Variants in STAG1 observed in about 807,000 individuals in gnomAD.
STAG1 encodes STAG1 cohesin complex component.
Under a neutral mutation model 170.9 loss-of-function variants are expected in STAG1, and 26 were observed. The ratio of observed to expected loss-of-function variants is 0.15; its 90% CI spans 0.11 to 0.21. The LOEUF is 0.21. STAG1 is among the 10% of genes least tolerant of loss of function. STAG1 has a pLI of 1.00. For missense variants in STAG1, 964 were observed against 1,509.5 expected (o/e 0.64, Z 5.99); for synonymous variants, 514 against 497.7 (o/e 1.03, Z -0.44).
chr3:136,735,893 G>A (rs1346161621), intron 1 of STAG1, among the ~76,000 whole-genome samples: 1 of 152,204 alleles, frequency 6.6e-6, no homozygotes, highest in Non-Finnish European at 1.5e-5. Context: ...CTAGCTCTTT[G>A]GAAAGTGAAA....
chr3:136,700,321 G>A (rs771643317), intron 1 of STAG1, among the ~76,000 whole-genome samples: 7 of 150,538 alleles, frequency 4.6e-5, no homozygotes, highest in Admixed American at 6.7e-5. Flanking sequence ...ACTAGGTTTC[G>A]AATCTCGGTC....
chr3:136,743,376 AAAAAT>A, intron 1 of STAG1, among the ~76,000 whole-genome samples: 1 of 151,954 alleles, frequency 6.6e-6, no homozygotes. Flanking sequence ...CTCAAAAAAA[AAAAAT>A]AATAATAACA....
At chr3:136,399,160 T>C (rs565076732) in intron 21 of STAG1, among the ~76,000 whole-genome samples, 10 of 152,338 alleles carry the variant, frequency 6.6e-5, no homozygotes, top group African/African-American at 2.4e-4. Flanking sequence ...AATTTTATAG[T>C]TGAAATAACT....
intron 28 of STAG1, 64 bp from the exon 29 acceptor site, chr3:136,349,427 C>A: frequency 7.9e-7 from 1 of 1,261,546 alleles, no homozygotes; most frequent in Non-Finnish European, 1.2e-6. Context: ...CTTACTTTTT[C>A]TTAATCTGAG....
chr3:136,682,160 C>T (rs965102397), intron 1 of STAG1, among the ~76,000 whole-genome samples: 37 of 151,752 alleles, frequency 2.4e-4, no homozygotes, highest in Admixed American at 1.9e-3. Context: ...ATATATATAC[C>T]GAAAACTCAT....
At chr3:136,694,431 C>G (rs769935949) in intron 1 of STAG1, among the ~76,000 whole-genome samples, 5 of 151,828 alleles carry the variant, frequency 3.3e-5, no homozygotes, top group Non-Finnish European at 5.9e-5. Context: ...GCCTGGGCAA[C>G]ATAGTGAGAC....
intron 21 of STAG1, among the ~76,000 whole-genome samples, chr3:136,415,917 G>A (rs978240028): frequency 2.6e-5 from 4 of 152,068 alleles, no homozygotes; most frequent in African/African-American, 9.7e-5. Flanking sequence ...AAATGAACAA[G>A]AGTACAATCT....
intron 23 of STAG1, among the ~76,000 whole-genome samples, chr3:136,376,048 A>ATT (rs1937599822): frequency 6.7e-6 from 1 of 149,766 alleles, no homozygotes; most frequent in African/African-American, 2.4e-5. Context: ...AAATAAAATA[A>ATT]AACAAAATAA....
At chr3:136,747,985 C>T in intron 1 of STAG1, among the ~76,000 whole-genome samples, 1 of 151,748 alleles carries the variant, frequency 6.6e-6, no homozygotes, top group East Asian at 2.0e-4. Context: ...ACCGTGTTGC[C>T]AGGATGGTCT....
In STAG1 at chr3:136,509,723, C is replaced by A. The variant is rs982166416; in HGVS notation, c.677-6944G>T. 2.0e-5 allele frequency among the ~76,000 whole-genome samples: 3 copies of A among 152,196 alleles called. No individual in the cohort carries two copies. The South Asian group carries it at 6.2e-4, about 31-fold the overall frequency. ...ACACTGGAACAAAAGGAGAGTTCAT[C>A]AGGAAATGGGATGCCTAAAACGAAG... On this transcript the variant is annotated intron_variant, in intron 7 of 33. Coordinates refer to ENST00000383202, the MANE Select transcript of STAG1 (RefSeq NM_005862.3).
At chr3:136,739,102 A>T (rs1934511941) in intron 1 of STAG1, among the ~76,000 whole-genome samples, 1 of 152,230 alleles carries the variant, frequency 6.6e-6, no homozygotes, top group South Asian at 2.1e-4. Context: ...AACATGCAGA[A>T]ATGAGGCTGA....
intron 7 of STAG1, among the ~76,000 whole-genome samples, chr3:136,503,694 A>G (rs1014117963): frequency 3.9e-5 from 6 of 152,192 alleles, no homozygotes; most frequent in African/African-American, 1.4e-4. Context: ...AAACATATCC[A>G]TATAATTAAA....
rs1356412620 is a variant in STAG1 at position 136,337,627 on chromosome 3, C to T, written c.*627G>A. The T allele has an allele frequency of 6.6e-6, 1 of 152,496 alleles. No individual in the cohort carries two copies. Among genetic ancestry groups the T allele is most frequent in the Non-Finnish European group, 1.5e-5 (1 of 68,014 alleles). The allele number at this position is 152,496 out of a possible 1,614,324, so 9.4% of individuals were successfully genotyped here. A position where few individuals can be genotyped will look rare whatever the true frequency, so the allele number is the denominator to read the frequency against. ...TATATAAAATCTGGGAATTCATATCCATATCCACAGAGGGTGTGTGGTTTT... is the reference window on the plus strand; with the variant it reads ...TATATAAAATCTGGGAATTCATATCTATATCCACAGAGGGTGTGTGGTTTT... On this transcript the variant is annotated 3_prime_UTR_variant, in exon 34 of 34. Transcript: ENST00000383202.
At chr3:136,564,698 G>A (rs1381203020) in intron 5 of STAG1, among the ~76,000 whole-genome samples, 2 of 151,928 alleles carry the variant, frequency 1.3e-5, no homozygotes, top group Admixed American at 1.3e-4. Context: ...TTCAGGAACT[G>A]TAAAGGTAGT....
intron 5 of STAG1, among the ~76,000 whole-genome samples, chr3:136,563,951 C>A (rs1451496980): frequency 6.6e-6 from 1 of 151,716 alleles, no homozygotes; most frequent in Non-Finnish European, 1.5e-5. Context: ...TGAACCCAGG[C>A]GGCGGAGGTT....
intron 4 of STAG1, among the ~76,000 whole-genome samples, chr3:136,585,617 TA>T (rs1559892964): frequency 6.6e-6 from 1 of 151,174 alleles, no homozygotes. Context: ...ATAATAATAA[TA>T]AAAAAATAAA....
At chr3:136,485,570 T>TA (rs1189100482) in intron 9 of STAG1, among the ~76,000 whole-genome samples, 7 of 152,224 alleles carry the variant, frequency 4.6e-5, no homozygotes, top group African/African-American at 1.4e-4. Flanking sequence ...ATTTCAGACA[T>TA]AAAACAAGGT....
intron 1 of STAG1, among the ~76,000 whole-genome samples, chr3:136,716,133 ATTTTCATGGTTCAC>A (rs1943535451): frequency 6.8e-6 from 1 of 146,900 alleles, no homozygotes; most frequent in Non-Finnish European, 1.5e-5. Flanking sequence ...CATAAATTGA[ATTTTCATGGTTCAC>A]TTTTCATGGT....
Position 136,528,495 on chromosome 3 carries a change from C to CG in STAG1, c.472-7079_472-7078insC, listed in dbSNP as rs1553740664. ...TTCCCCAGCAACAGATGTCCCCGCA[C>CG]CCCCCCCCCCAAAAAATCACTAAGT... On this transcript the variant is annotated intron_variant, in intron 6 of 33. Transcript: ENST00000383202. 2.9e-4 allele frequency among the ~76,000 whole-genome samples: 21 copies of CG among 72,088 alleles called. No individual in the cohort carries two copies. In the South Asian group the frequency reaches 7.1e-3, roughly 25 times the overall value. 47.3% of individuals were successfully genotyped at this position (72,088 alleles called of 152,430 possible). A position where few individuals can be genotyped will look rare whatever the true frequency, so the allele number is the denominator to read the frequency against.
Sources: allele counts gnomAD v4.1 joint callset (sites outside exome capture counted in the v4.1 genomes callset), GRCh38; gene constraint gnomAD v4.1.1; transcripts MANE v1.5; gene names NCBI Gene and HGNC (gene_info 2026-07-23, HGNC 2026-07-21).